Variants in NOTCH2NLC observed in about 807,000 individuals in gnomAD.
The protein encoded by NOTCH2NLC is notch 2 N-terminal like C, also known as notch homolog 2 N-terminal-like protein C.
In NOTCH2NLC, 4 loss-of-function variants were observed where a neutral mutation model predicts 17.7. The observed-to-expected ratio is 0.23, with a 90% CI of 0.11 to 0.52. The LOEUF is 0.52. Among genes scored for constraint, NOTCH2NLC ranks in the 20% least tolerant of loss-of-function variants. The pLI is 0.96. For synonymous variants in NOTCH2NLC, 18 were observed against 86.0 expected (o/e 0.21, Z 4.38); for missense variants, 57 against 207.2 (o/e 0.28, Z 4.45).
intron 1 of NOTCH2NLC, among the ~76,000 whole-genome samples, chr1:149,399,010 G>C (rs1359396005): frequency 2.0e-5 from 3 of 152,004 alleles, no homozygotes; most frequent in African/African-American, 7.3e-5. Context: ...TGTGTATTTT[G>C]TGAAGTAAGG....
At chr1:149,422,876 AT>A (rs1432111364) in intron 1 of NOTCH2NLC, among the ~76,000 whole-genome samples, 4 of 131,394 alleles carry the variant, frequency 3.0e-5, no homozygotes, top group Middle Eastern at 3.5e-3. Flanking sequence ...ACACTGATGA[AT>A]TTTTTTTGCA....
intron 1 of NOTCH2NLC, among the ~76,000 whole-genome samples, chr1:149,416,677 G>T (rs1256243017): frequency 7.0e-6 from 1 of 143,044 alleles, no homozygotes; most frequent in Non-Finnish European, 1.5e-5. Context: ...ATGGTATCTT[G>T]TCAGTGTCAA....
intron 2 of NOTCH2NLC, among the ~76,000 whole-genome samples, chr1:149,445,901 TAAAAAAAA>T (rs1182076544): frequency 3.2e-4 from 23 of 72,620 alleles, no homozygotes; most frequent in African/African-American, 7.6e-4. Flanking sequence ...ATCCTCGTTT[TAAAAAAAA>T]AAAAAAAAAA....
chr1:149,417,344 G>A (rs1326705159), intron 1 of NOTCH2NLC, among the ~76,000 whole-genome samples: 4 of 150,836 alleles, frequency 2.7e-5, no homozygotes, highest in East Asian at 3.9e-4. Context: ...TCCTGACCTC[G>A]TGATCCGCCT....
chr1:149,449,030 C>T (rs1394205672), intron 2 of NOTCH2NLC, among the ~76,000 whole-genome samples: 5 of 147,520 alleles, frequency 3.4e-5, no homozygotes, highest in Admixed American at 1.4e-4. Context: ...TACAGGCGCC[C>T]GCCACCACGC....
intron 1 of NOTCH2NLC, among the ~76,000 whole-genome samples, chr1:149,419,073 T>A (rs1273378643): frequency 6.7e-6 from 1 of 149,552 alleles, no homozygotes; most frequent in Non-Finnish European, 1.5e-5. Flanking sequence ...TCTTTTCTTT[T>A]CTTTCTTTTC....
Position 149,471,367 on chromosome 1 carries a change from C to T in NOTCH2NLC, c.*7214C>T, listed in dbSNP as rs1320144902. Among the ~76,000 whole-genome samples, 1 of 149,072 alleles carries T rather than the reference C, an allele frequency of 6.7e-6. No homozygotes were observed. The highest frequency in any genetic ancestry group is 1.5e-5 in the Non-Finnish European group (1 of 67,096). On this transcript the variant is annotated 3_prime_UTR_variant, in exon 5 of 5. Transcript: ENST00000650865. The stretch of plus-strand genomic sequence containing the variant: ...TTTTTTCTTTTGTTGCTTGTGCTTT[C>T]AGTCATATTTGTGAAAACTTTGCTT...
At chr1:149,399,294 A>G (rs2084230176) in intron 1 of NOTCH2NLC, among the ~76,000 whole-genome samples, 4 of 149,790 alleles carry the variant, frequency 2.7e-5, no homozygotes, top group Admixed American at 2.0e-4. Context: ...TCAATAATCT[A>G]TTTTAACGGG....
intron 2 of NOTCH2NLC, among the ~76,000 whole-genome samples, chr1:149,445,925 A>G (rs2084550302): frequency 7.7e-6 from 1 of 130,056 alleles, no homozygotes; most frequent in Admixed American, 7.7e-5. Context: ...AAAAAAAAAA[A>G]GCTAAAGACA....
intron 1 of NOTCH2NLC, 73 bp from the exon 2 acceptor site, chr1:149,430,869 T>A (rs2084444802): frequency 1.5e-5 from 3 of 196,432 alleles, no homozygotes; most frequent in South Asian, 1.2e-4. Context: ...TGGATTACAC[T>A]TCTTTGGTGT....
intron 3 of NOTCH2NLC, among the ~76,000 whole-genome samples, chr1:149,461,231 G>A (rs1260313656): frequency 4.0e-5 from 6 of 149,130 alleles, no homozygotes; most frequent in African/African-American, 9.9e-5. Context: ...CACCACTTCC[G>A]GCCCAGGGAT....
intron 1 of NOTCH2NLC, among the ~76,000 whole-genome samples, chr1:149,430,491 C>G (rs1299540629): frequency 6.8e-6 from 1 of 147,294 alleles, no homozygotes; most frequent in Non-Finnish European, 1.5e-5. Context: ...CTTCTTGAAG[C>G]AGTCCGTTTT....
intron 1 of NOTCH2NLC, among the ~76,000 whole-genome samples, chr1:149,412,932 C>T (rs2084307854): frequency 1.7e-5 from 2 of 117,544 alleles, no homozygotes; most frequent in Admixed American, 1.9e-4. Context: ...TGAGACAGGG[C>T]CTCACTCTGT....
chr1:149,416,974 G>A (rs1290448405), intron 1 of NOTCH2NLC, among the ~76,000 whole-genome samples: 1 of 145,656 alleles, frequency 6.9e-6, no homozygotes, highest in East Asian at 2.0e-4. Context: ...GTCATTAGCT[G>A]ATCTTTCGTG....
Position 149,466,848 on chromosome 1 carries a change from C to T in NOTCH2NLC, c.*2695C>T. 1.1e-4 allele frequency: 2 copies of T among 18,210 alleles called. No individual in the cohort carries two copies. The highest frequency in any genetic ancestry group is 1.1e-3 in the Admixed American group (2 of 1,744). 1.1% of individuals were successfully genotyped at this position (18,210 alleles called of 1,614,324 possible). A position where few individuals can be genotyped will look rare whatever the true frequency, so the allele number is the denominator to read the frequency against. On this transcript the variant is annotated 3_prime_UTR_variant, in exon 5 of 5. Transcript: ENST00000650865. ...TCTAATTGAGGGTTACTCTAACCACCCTATTTAAAATTGTAACTGTCCCCC... is the reference window on the plus strand; with the variant it reads ...TCTAATTGAGGGTTACTCTAACCACTCTATTTAAAATTGTAACTGTCCCCC...
rs1380202652 is a variant in NOTCH2NLC, at chr1:149,445,783, T to A, written c.210-9535T>A. Among the ~76,000 whole-genome samples, 534 of 149,908 alleles carry A rather than the reference T, an allele frequency of 3.6e-3. 19 individuals carry two copies. Among genetic ancestry groups the A allele is most frequent in the African/African-American group, 0.013 (513 of 40,950 alleles). ...CGTTCCACATTCTGTATAGTTTTTT[T>A]AAAAATCATGACTTTGAAATAGCTG... On this transcript the variant is annotated intron_variant, in intron 2 of 4. Coordinates refer to ENST00000650865, the MANE Select transcript of NOTCH2NLC (RefSeq NM_001364013.2).
At chr1:149,460,643 G>A (rs1203904055) in intron 3 of NOTCH2NLC, among the ~76,000 whole-genome samples, 2 of 148,972 alleles carry the variant, frequency 1.3e-5, no homozygotes, top group Non-Finnish European at 3.0e-5. Context: ...GGCCGATTCT[G>A]ATCATCTTTT....
At chr1:149,447,212 GTCTGTT>G (rs2084559658) in intron 2 of NOTCH2NLC, among the ~76,000 whole-genome samples, 1 of 150,468 alleles carries the variant, frequency 6.6e-6, no homozygotes, top group Non-Finnish European at 1.5e-5. Flanking sequence ...GGAAACAAGG[GTCTGTT>G]ATTTCTGACT....
intron 3 of NOTCH2NLC, among the ~76,000 whole-genome samples, chr1:149,460,872 TTTCTTTCTTTC>T (rs1404360108): frequency 8.9e-5 from 8 of 90,020 alleles, no homozygotes; most frequent in African/African-American, 2.8e-4. Flanking sequence ...TCTTTCTTTC[TTTCTTTCTTTC>T]TTTCTTTCTT....
Sources: allele counts gnomAD v4.1 joint callset (sites outside exome capture counted in the v4.1 genomes callset), GRCh38; gene constraint gnomAD v4.1.1; transcripts MANE v1.5; gene names NCBI Gene and HGNC (gene_info 2026-07-23, HGNC 2026-07-21).